The following NTM variants were observed in gnomAD, a reference collection of about 807,000 sequenced individuals.
The protein encoded by NTM is neurotrimin.
A neutral mutation model predicts 42.1 loss-of-function variants in NTM; 13 were observed. The ratio of observed to expected loss-of-function variants is 0.31; its 90% CI spans 0.20 to 0.49. NTM has a LOEUF of 0.49. Among genes scored for constraint, NTM ranks in the 20% least tolerant of loss-of-function variants. The pLI is 0.99. For missense variants in NTM, 373 were observed against 452.8 expected (o/e 0.82, Z 1.60); for synonymous variants, 187 against 179.2 (o/e 1.04, Z -0.35).
intron 1 of NTM, among the ~76,000 whole-genome samples, chr11:131,570,637 A>G (rs1396125366): frequency 1.3e-5 from 2 of 152,144 alleles, no homozygotes; most frequent in Non-Finnish European, 2.9e-5. Context: ...ATCCTGGCCA[A>G]CATGGTGAAA....
chr11:131,640,973 C>A (rs73592213), intron 1 of NTM, among the ~76,000 whole-genome samples: 2,192 of 152,198 alleles, frequency 0.014, 38 homozygotes, highest in African/African-American at 0.05. Context: ...CTGTCAGTAC[C>A]AATACAAAGG....
At chr11:132,045,289 A>G (rs532194413) in intron 2 of NTM, among the ~76,000 whole-genome samples, 1 of 152,284 alleles carries the variant, frequency 6.6e-6, no homozygotes, top group South Asian at 2.1e-4. Context: ...AAGTAGAATA[A>G]AAGATGATGT....
In NTM at chr11:132,209,029, T is replaced by C. The variant is rs978529130; in HGVS notation, c.401-2993T>C. Among the ~76,000 whole-genome samples, 6 of 151,850 alleles carry C rather than the reference T, an allele frequency of 4.0e-5. No individual in the cohort carries two copies. In the South Asian group the frequency reaches 1.3e-3, roughly 32 times the overall value. ...AGGGACCAGCAAACGTATGGGTTGGTGTTGGGGGGTGGGGGAAGGAGGTGG... is the reference window on the plus strand; with the variant it reads ...AGGGACCAGCAAACGTATGGGTTGGCGTTGGGGGGTGGGGGAAGGAGGTGG... On this transcript the variant is annotated intron_variant, in intron 3 of 8. Transcript: ENST00000683400.
At chr11:131,814,766 C>A (rs934901791) in intron 1 of NTM, among the ~76,000 whole-genome samples, 1 of 152,200 alleles carries the variant, frequency 6.6e-6, no homozygotes, top group Non-Finnish European at 1.5e-5. Flanking sequence ...TAATCCACCA[C>A]CTCTGCAGCT....
chr11:132,155,062 C>G (rs181683594), intron 3 of NTM, among the ~76,000 whole-genome samples: 207 of 152,170 alleles, frequency 1.4e-3, no homozygotes, highest in African/African-American at 4.8e-3. Context: ...TTTCACTTGG[C>G]AAGTAGTGCT....
chr11:131,666,941 C>T (rs1384703783), intron 1 of NTM, among the ~76,000 whole-genome samples: 1 of 152,194 alleles, frequency 6.6e-6, no homozygotes, highest in Non-Finnish European at 1.5e-5. Flanking sequence ...GATTCAGCCC[C>T]ATGCACTGGG....
intron 2 of NTM, among the ~76,000 whole-genome samples, chr11:132,096,490 A>T (rs2061007539): frequency 6.6e-6 from 1 of 152,090 alleles, no homozygotes; most frequent in Admixed American, 6.5e-5. Context: ...AGATTGAATG[A>T]CTCACTTAGT....
At chr11:131,483,221 T>A (rs150448453) in intron 1 of NTM, among the ~76,000 whole-genome samples, 3 of 152,178 alleles carry the variant, frequency 2.0e-5, no homozygotes, top group Non-Finnish European at 4.4e-5. Flanking sequence ...TTCACCTTAG[T>A]ATTGGAAATA....
rs200425976 is a variant in NTM at position 131,789,423 on chromosome 11, G to GA, written c.83-122139dup. 1.3e-3 allele frequency among the ~76,000 whole-genome samples: 32 copies of GA among 24,032 alleles called. 4 individuals carry two copies. Among genetic ancestry groups the GA allele is most frequent in the African/African-American group, 1.9e-3 (8 of 4,164 alleles). The allele number at this position is 24,032 out of a possible 152,430, so 15.8% of individuals were successfully genotyped here. ...TATTGCTGCAGTTAAAAGAAAAAAA[G>GA]AAGAAGGAAGAAGAAGAAGAAGAAG... On this transcript the variant is annotated intron_variant, in intron 1 of 8. Coordinates refer to ENST00000683400, the MANE Select transcript of NTM (RefSeq NM_001352005.2).
At chr11:131,605,744 T>C (rs1367065674) in intron 1 of NTM, 2 of 971,498 alleles carry the variant, frequency 2.1e-6, no homozygotes, top group Non-Finnish European at 2.4e-6. Context: ...GTTTGTATCA[T>C]TTAAAGTTTG....
intron 1 of NTM, among the ~76,000 whole-genome samples, chr11:131,586,775 A>C (rs2058903371): frequency 6.6e-6 from 1 of 152,208 alleles, no homozygotes; most frequent in Admixed American, 6.5e-5. Context: ...CTTTAAAGAA[A>C]AAGACGGTAG....
intron 1 of NTM, among the ~76,000 whole-genome samples, chr11:131,865,475 C>T (rs1205409753): frequency 1.3e-5 from 2 of 152,244 alleles, no homozygotes; most frequent in African/African-American, 4.8e-5. Context: ...CCCAGCCTAA[C>T]AATTCCCTTG....
chr11:131,389,081 A>G (rs1943697980), intron 1 of NTM, among the ~76,000 whole-genome samples: 1 of 151,510 alleles, frequency 6.6e-6, no homozygotes. Flanking sequence ...AAAGTAGCCT[A>G]TATGCCAGCA....
chr11:131,753,675 A>G (rs1433265661), intron 1 of NTM, among the ~76,000 whole-genome samples: 1 of 151,578 alleles, frequency 6.6e-6, no homozygotes, highest in Admixed American at 6.6e-5. Flanking sequence ...TCTCACTCAT[A>G]GGTGGGAATT....
chr11:131,948,384 A>AAAAAACAAAAAAAAG lies in NTM; in HGVS notation c.167+36740_167+36741insACAAAAAAAAGAAAA, dbSNP rs61423292. 1.4e-3 allele frequency among the ~76,000 whole-genome samples: 208 copies of AAAAAACAAAAAAAAG among 147,600 alleles called. 1 individual carries two copies. The highest frequency in any genetic ancestry group is 5.0e-3 in the African/African-American group (197 of 39,266). Reference sequence around the variant, plus strand: ...CATCTCAAAAAAAACAAAAAAACAAAAAAACAAAAAAAAGAAGTGAAGCCC... The same window carrying AAAAAACAAAAAAAAG: ...CATCTCAAAAAAAACAAAAAAACAAAAAAAACAAAAAAAAGAAAACAAAAAAAAGAAGTGAAGCCC... On this transcript the variant is annotated intron_variant, in intron 2 of 8. Transcript: ENST00000683400.
chr11:131,632,243 G>T (rs1299541550), intron 1 of NTM, among the ~76,000 whole-genome samples: 2 of 152,188 alleles, frequency 1.3e-5, no homozygotes, highest in Non-Finnish European at 1.5e-5. Context: ...CTTGAGTCAT[G>T]TTGTGTTGTT....
chr11:131,419,713 G>T (rs1361540472), intron 1 of NTM, among the ~76,000 whole-genome samples: 2 of 152,190 alleles, frequency 1.3e-5, no homozygotes, highest in Non-Finnish European at 2.9e-5. Flanking sequence ...TATTTTAAGT[G>T]CAATGGCAAG....
intron 2 of NTM, among the ~76,000 whole-genome samples, chr11:131,920,100 T>A (rs1014459080): frequency 6.6e-5 from 10 of 152,198 alleles, no homozygotes; most frequent in African/African-American, 2.4e-4. Flanking sequence ...TCAGAAAAAT[T>A]CATCCAGAAG....
intron 2 of NTM, among the ~76,000 whole-genome samples, chr11:132,045,580 C>T (rs570322148): frequency 3.9e-4 from 60 of 152,242 alleles, no homozygotes; most frequent in South Asian, 1.7e-3. Flanking sequence ...TATTCTAGTT[C>T]ATGATTCATC....
Sources: allele counts gnomAD v4.1 joint callset (sites outside exome capture counted in the v4.1 genomes callset), GRCh38; gene constraint gnomAD v4.1.1; transcripts MANE v1.5; gene names NCBI Gene and HGNC (gene_info 2026-07-23, HGNC 2026-07-21).